Variants in C1orf21 observed in about 807,000 individuals in gnomAD.
C1orf21 encodes the protein uncharacterized protein C1orf21.
A neutral mutation model predicts 18.7 loss-of-function variants in C1orf21; 3 were observed. The ratio of observed to expected loss-of-function variants is 0.16; its 90% CI spans 0.07 to 0.42. C1orf21 has a LOEUF of 0.42. C1orf21 is among the 10% of genes least tolerant of loss of function. The pLI is 0.99. For missense variants in C1orf21, 104 were observed against 143.6 expected, an observed-to-expected ratio of 0.72 and a Z score of 1.41; for synonymous variants, 41 against 46.4, an observed-to-expected ratio of 0.88 and a Z score of 0.47.
chr1:184,557,960 T>C (rs1658901647), intron 3 of C1orf21, among the ~76,000 whole-genome samples: 1 of 152,214 alleles, frequency 6.6e-6, no homozygotes, highest in South Asian at 2.1e-4. Flanking sequence ...GACTGGCATA[T>C]GCAGTTGCCC....
At chr1:184,442,538 AGGGCCTAGAATTATT>A (rs1247281053) in intron 1 of C1orf21, among the ~76,000 whole-genome samples, 1 of 152,226 alleles carries the variant, frequency 6.6e-6, no homozygotes, top group Admixed American at 6.5e-5. Context: ...AGGCAGATAT[AGGGCCTAGAATTATT>A]AGAGAGCTTT....
intron 2 of C1orf21, among the ~76,000 whole-genome samples, chr1:184,500,155 A>G (rs770597794): frequency 1.3e-5 from 2 of 152,166 alleles, no homozygotes; most frequent in African/African-American, 2.4e-5. Context: ...CCCTCCTGCT[A>G]TAGAGAGCCT....
At chr1:184,540,710 C>A (rs1439698410) in intron 3 of C1orf21, among the ~76,000 whole-genome samples, 4 of 152,136 alleles carry the variant, frequency 2.6e-5, no homozygotes, top group Non-Finnish European at 5.9e-5. Context: ...GGATTACAGG[C>A]GTGAGCCACC....
chr1:184,576,405 G>T (rs1227797109), intron 3 of C1orf21, among the ~76,000 whole-genome samples: 1 of 152,190 alleles, frequency 6.6e-6, no homozygotes, highest in Non-Finnish European at 1.5e-5. Flanking sequence ...GATTACAGGC[G>T]TGAGCCACCG....
rs1270931220 is a variant in C1orf21, at chr1:184,567,450, A to C, written c.190-23289A>C. 3 of 540,736 alleles carry C rather than the reference A, an allele frequency of 5.5e-6. No individual in the cohort carries two copies. In the African/African-American group the frequency reaches 5.7e-5, roughly 10 times the overall value. The allele number at this position is 540,736 out of a possible 1,614,324, so 33.5% of individuals were successfully genotyped here. ...TGCATCTCTCCAGATGCCTTTTTCC[A>C]GATTAACACTGCTGGTGCAGAGATG... On this transcript the variant is annotated intron_variant, in intron 3 of 5. Coordinates refer to ENST00000235307, the MANE Select transcript of C1orf21 (RefSeq NM_030806.4).
At chr1:184,461,666 A>C (rs527663185) in intron 1 of C1orf21, among the ~76,000 whole-genome samples, 52 of 152,264 alleles carry the variant, frequency 3.4e-4, no homozygotes, top group African/African-American at 1.1e-3. Flanking sequence ...GCAAGAACTC[A>C]TTACACCGTG....
intron 1 of C1orf21, among the ~76,000 whole-genome samples, chr1:184,447,904 G>A (rs973303321): frequency 2.6e-5 from 4 of 151,958 alleles, no homozygotes; most frequent in Non-Finnish European, 5.9e-5. Context: ...TCCAACCCTG[G>A]TCCACTTAAG....
chr1:184,564,771 C>A (rs147297292), intron 3 of C1orf21, among the ~76,000 whole-genome samples: 88 of 152,272 alleles, frequency 5.8e-4, no homozygotes, highest in African/African-American at 1.9e-3. Flanking sequence ...CACTAGGGAT[C>A]TCTGGAAACC....
chr1:184,537,976 C>A (rs1422544320), intron 3 of C1orf21, among the ~76,000 whole-genome samples: 1 of 152,120 alleles, frequency 6.6e-6, no homozygotes, highest in Non-Finnish European at 1.5e-5. Flanking sequence ...TGGGCACATA[C>A]CCAGAAGTGG....
At position 184,507,583 on chromosome 1, in the gene C1orf21, C is replaced by T. The variant is rs1283882808; in HGVS notation, c.95-5C>T. ...TAAAATGTGTTTTCTTTTTTTGGCA[C>T]TCAGATGAGTATAGGATCAAACCAG... On this transcript the variant is annotated splice_polypyrimidine_tract_variant and splice_region_variant and intron_variant, in intron 2 of 5. Coordinates refer to ENST00000235307, the MANE Select transcript of C1orf21 (RefSeq NM_030806.4). 2.5e-6 allele frequency: 4 copies of T among 1,576,612 alleles called. No homozygotes were observed. The highest frequency in any genetic ancestry group is 2.3e-5 in the East Asian group (1 of 43,336).
intron 1 of C1orf21, among the ~76,000 whole-genome samples, chr1:184,395,814 C>T (rs562950410): frequency 1.3e-5 from 2 of 152,246 alleles, no homozygotes; most frequent in Admixed American, 6.5e-5. Flanking sequence ...TCCCCAACAT[C>T]GAGGAGTCAT....
chr1:184,587,390 T>C (rs1659370407), intron 3 of C1orf21, among the ~76,000 whole-genome samples: 1 of 152,210 alleles, frequency 6.6e-6, no homozygotes, highest in East Asian at 1.9e-4. Context: ...TATGGCCTTT[T>C]TAACAATATT....
intron 1 of C1orf21, among the ~76,000 whole-genome samples, chr1:184,391,731 G>A (rs77976957): frequency 6.9e-5 from 10 of 145,488 alleles, no homozygotes; most frequent in Non-Finnish European, 1.4e-4. Context: ...TTTTTTTTTC[G>A]AGACAGAGTC....
chr1:184,521,767 A>G (rs1658309468), intron 3 of C1orf21, among the ~76,000 whole-genome samples: 2 of 152,188 alleles, frequency 1.3e-5, no homozygotes, highest in South Asian at 4.1e-4. Flanking sequence ...AAACACAAAC[A>G]AAAATGAAAG....
At chr1:184,430,453 A>G in intron 1 of C1orf21, among the ~76,000 whole-genome samples, 1 of 152,236 alleles carries the variant, frequency 6.6e-6, no homozygotes, top group East Asian at 1.9e-4. Flanking sequence ...ACAAACAACC[A>G]TTCTATTAAA....
intron 1 of C1orf21, among the ~76,000 whole-genome samples, chr1:184,449,625 A>G (rs1327134559): frequency 2.0e-5 from 3 of 152,216 alleles, no homozygotes; most frequent in African/African-American, 7.2e-5. Flanking sequence ...CTTAATACTC[A>G]GGAACCACTG....
chr1:184,436,716 C>T (rs79556082), intron 1 of C1orf21, among the ~76,000 whole-genome samples: 5,983 of 152,032 alleles, frequency 0.039, 400 homozygotes, highest in African/African-American at 0.14. Flanking sequence ...TTCCCTTTTT[C>T]GATAAACGTC....
At chr1:184,500,121 AC>A (rs1210175401) in intron 2 of C1orf21, among the ~76,000 whole-genome samples, 4 of 152,182 alleles carry the variant, frequency 2.6e-5, no homozygotes, top group African/African-American at 9.7e-5. Flanking sequence ...GGGAATGATT[AC>A]TGTACAGCAC....
At chr1:184,557,067 G>A (rs1041849821) in intron 3 of C1orf21, among the ~76,000 whole-genome samples, 16 of 151,958 alleles carry the variant, frequency 1.1e-4, no homozygotes, top group African/African-American at 2.9e-4. Flanking sequence ...TTGCTGATTC[G>A]TTTGCATGTG....
Sources: allele counts gnomAD v4.1 joint callset (sites outside exome capture counted in the v4.1 genomes callset), GRCh38; gene constraint gnomAD v4.1.1; transcripts MANE v1.5; gene names NCBI Gene and HGNC (gene_info 2026-07-23, HGNC 2026-07-21).